ABCC11: variants seen among roughly 807,000 people sequenced by gnomAD.
ABCC11 encodes the protein ATP binding cassette subfamily C member 11.
In ABCC11, 135 loss-of-function variants were observed where a neutral mutation model predicts 149.3. That is an observed-to-expected ratio of 0.90 (90% confidence interval 0.79 to 1.04). The LOEUF is 1.04. Among genes scored for constraint, ABCC11 ranks in the 50% least tolerant of loss-of-function variants. The pLI is 0.00. For synonymous variants in ABCC11, 665 were observed against 671.4 expected (o/e 0.99, Z 0.15); for missense variants, 1,680 against 1,722.1 (o/e 0.98, Z 0.43).
intron 26 of ABCC11, among the ~76,000 whole-genome samples, chr16:48,172,781 G>A (rs1028057682): frequency 1.2e-4 from 18 of 152,160 alleles, no homozygotes; most frequent in Non-Finnish European, 2.9e-5. Flanking sequence ...TTGTTGGGGG[G>A]CTGGACTTTC....
intron 20 of ABCC11, among the ~76,000 whole-genome samples, chr16:48,191,759 CAT>C (rs1378281136): frequency 6.6e-6 from 1 of 151,336 alleles, no homozygotes; most frequent in Non-Finnish European, 1.5e-5. Flanking sequence ...TGTTCTCACT[CAT>C]AGGTGGGAAA....
At chr16:48,219,420 C>T (rs1307597380) in intron 6 of ABCC11, among the ~76,000 whole-genome samples, 1 of 152,164 alleles carries the variant, frequency 6.6e-6, no homozygotes, top group Non-Finnish European at 1.5e-5. Context: ...ATTCATCCAA[C>T]TCGGCATCCC....
chr16:48,211,446 T>C (rs112424797), intron 10 of ABCC11, among the ~76,000 whole-genome samples: 2 of 152,324 alleles, frequency 1.3e-5, no homozygotes, highest in African/African-American at 4.8e-5. Flanking sequence ...CACTGTCAAC[T>C]GCAACTCTGC....
intron 23 of ABCC11, 77 bp from the exon 24 acceptor site, chr16:48,178,763 C>G: frequency 7.8e-7 from 1 of 1,288,676 alleles, no homozygotes; most frequent in Non-Finnish European, 1.1e-6. Context: ...CTGATAACCA[C>G]TGATTGCCAT....
chr16:48,174,239 T>C (rs1013697026), intron 26 of ABCC11, among the ~76,000 whole-genome samples: 1 of 152,032 alleles, frequency 6.6e-6, no homozygotes, highest in Non-Finnish European at 1.5e-5. Context: ...GCAGGGAAAA[T>C]GTACATTCAT....
chr16:48,242,030 C>A (rs1463823134), intron 1 of ABCC11, among the ~76,000 whole-genome samples: 1 of 152,086 alleles, frequency 6.6e-6, no homozygotes, highest in Admixed American at 6.6e-5. Flanking sequence ...GCAACAAAAG[C>A]CAAAATTGAC....
At chr16:48,212,268 C>T (rs1403001474) in intron 10 of ABCC11, among the ~76,000 whole-genome samples, 3 of 152,150 alleles carry the variant, frequency 2.0e-5, no homozygotes, top group African/African-American at 4.8e-5. Context: ...TTCGCAGGGG[C>T]CTTCCCTAAC....
intron 1 of ABCC11, chr16:48,244,694 C>T: frequency 1.8e-6 from 2 of 1,084,204 alleles, no homozygotes; most frequent in Non-Finnish European, 2.4e-6. Context: ...AGGCCACGGC[C>T]TGCCTTGAGC....
intron 23 of ABCC11, among the ~76,000 whole-genome samples, chr16:48,182,685 A>C (rs912402136): frequency 6.6e-6 from 1 of 151,458 alleles, no homozygotes; most frequent in Non-Finnish European, 1.5e-5. Flanking sequence ...TGGGAGGCTG[A>C]GGCAGGAGAA....
chr16:48,224,979 T>C (rs1375336817), intron 4 of ABCC11, among the ~76,000 whole-genome samples: 1 of 151,494 alleles, frequency 6.6e-6, no homozygotes, highest in Admixed American at 6.6e-5. Flanking sequence ...GCCGAGATCA[T>C]GCCACTGCAC....
At chr16:48,238,603 C>CA (rs111614375) in intron 1 of ABCC11, among the ~76,000 whole-genome samples, 18 of 145,902 alleles carry the variant, frequency 1.2e-4, no homozygotes, top group Middle Eastern at 7.0e-3. Context: ...ACAATTCAAG[C>CA]AAAAAAAAAC....
Position 48,167,556 on chromosome 16 carries a change from A to C in ABCC11, c.3996T>G (p.Ile1332Met). The change falls in exon 29 of 30, where the codon ATT becomes ATG. Residue 1332 changes from isoleucine (I) to methionine (M), a missense_variant. By Grantham distance (10) the Ile-to-Met change is conservative. Transcript: ENST00000356608. ...TCAGCACAGTGGTGACACGGTGGGC[A>C]ATGACGAGCACGGTGCAGCCCTGGA... ...EAFQGCTVLV[I>M]AHRVTTVLNC... 2 of 1,614,172 alleles carry C rather than the reference A, an allele frequency of 1.2e-6. No homozygotes were observed. The highest frequency in any genetic ancestry group is 1.7e-6 in the Non-Finnish European group (2 of 1,180,030).
In ABCC11 at chr16:48,178,485, G is replaced by T. The variant is rs1966227704; in HGVS notation, c.3348+112C>A. The T allele has an allele frequency of 1.9e-5, 18 of 962,664 alleles. No individual in the cohort carries two copies. In the South Asian group the frequency reaches 2.5e-4, roughly 13 times the overall value. The allele number at this position is 962,664 out of a possible 1,614,324, so 59.6% of individuals were successfully genotyped here. Reference sequence around the variant, plus strand: ...ACAGGGAGGAAAGGCCAGGAGCCTGGTGTTTCCTGGGATGGTCTCAGGGCT... The same window carrying T: ...ACAGGGAGGAAAGGCCAGGAGCCTGTTGTTTCCTGGGATGGTCTCAGGGCT... On this transcript the variant is annotated intron_variant, in intron 24 of 29. Transcript: ENST00000356608.
intron 6 of ABCC11, among the ~76,000 whole-genome samples, chr16:48,220,318 A>C (rs899937177): frequency 6.6e-6 from 1 of 152,242 alleles, no homozygotes; most frequent in Non-Finnish European, 1.5e-5. Context: ...TCCTTGCCTC[A>C]GTTTCCTCCT....
At chr16:48,192,280 CA>C (rs1034192709) in intron 20 of ABCC11, among the ~76,000 whole-genome samples, 1 of 151,920 alleles carries the variant, frequency 6.6e-6, no homozygotes, top group Non-Finnish European at 1.5e-5. Flanking sequence ...CCAGTCTCTA[CA>C]AAAAATACAA....
Position 48,222,839 on chromosome 16 carries a change from G to A in ABCC11, c.544-8C>T, listed in dbSNP as rs574648879. The A allele has an allele frequency of 1.9e-6, 3 of 1,605,284 alleles. No homozygotes were observed. The highest frequency in any genetic ancestry group is 1.1e-5 in the South Asian group (1 of 90,716). On this transcript the variant is annotated splice_region_variant and splice_polypyrimidine_tract_variant and intron_variant, in intron 5 of 29. Transcript: ENST00000356608. ...CTTTGGTATAATCAATATCTACAAG[G>A]AAATGGGAGTTTGGATCATTCAGAC... is the stretch of plus-strand genomic sequence containing the variant.
intron 1 of ABCC11, among the ~76,000 whole-genome samples, chr16:48,235,677 G>C (rs1032354335): frequency 6.6e-6 from 1 of 152,108 alleles, no homozygotes; most frequent in Non-Finnish European, 1.5e-5. Flanking sequence ...TTCTCTTTCC[G>C]GAAGAAAATG....
intron 2 of ABCC11, among the ~76,000 whole-genome samples, 160 bp from the exon 3 acceptor site, chr16:48,230,733 G>A (rs1970372184): frequency 6.6e-6 from 1 of 151,782 alleles, no homozygotes; most frequent in Admixed American, 6.6e-5. Context: ...GAGAGTCAGG[G>A]CAACTGGATC....
chr16:48,212,066 G>A (rs1968974781), intron 10 of ABCC11, among the ~76,000 whole-genome samples: 1 of 152,164 alleles, frequency 6.6e-6, no homozygotes, highest in Non-Finnish European at 1.5e-5. Flanking sequence ...ATGAATGGGT[G>A]AACCCAGTGT....
Sources: gnomAD v4.1 joint callset for allele counts (sites outside exome capture counted in the v4.1 genomes callset) on GRCh38, gnomAD v4.1.1 for gene constraint, MANE v1.5 for transcripts, NCBI Gene and HGNC (gene_info 2026-07-23, HGNC 2026-07-21) for gene names.